Variants in RXFP1 observed in about 807,000 individuals in gnomAD.
RXFP1 encodes relaxin family peptide receptor 1.
Under a neutral mutation model 89.8 loss-of-function variants are expected in RXFP1, and 73 were observed. That is an observed-to-expected ratio of 0.81 (90% CI 0.67 to 0.99). The LOEUF (loss-of-function observed/expected upper bound fraction) is 0.99. Among genes scored for constraint, RXFP1 ranks in the 50% least tolerant of loss-of-function variants. The probability of loss-of-function intolerance (pLI) is 0.00; values close to 1 mark genes in which losing one functional copy is unlikely to be tolerated. For synonymous variants in RXFP1, 277 were observed against 305.5 expected, an observed-to-expected ratio of 0.91 and a Z score of 0.97; for missense variants, 793 against 895.5, an observed-to-expected ratio of 0.89 and a Z score of 1.46.
intron 4 of RXFP1, among the ~76,000 whole-genome samples, chr4:158,602,274 C>G (rs148858323): frequency 1.0e-3 from 153 of 152,180 alleles, no homozygotes; most frequent in African/African-American, 3.4e-3. Context: ...AATAAAAACC[C>G]AACTTTTTAA....
In RXFP1 at chr4:158,580,888, C is replaced by T. The variant is rs938417220; in HGVS notation, c.187+8053C>T. Among the ~76,000 whole-genome samples the T allele has an allele frequency of 2.6e-5, 4 of 152,274 alleles. No homozygotes were observed. The South Asian group carries it at 8.3e-4, about 32-fold the overall frequency. On this transcript the variant is annotated intron_variant, in intron 2 of 17. Coordinates refer to ENST00000307765, the MANE Select transcript of RXFP1 (RefSeq NM_021634.4). ...TCTCAGCTCACTGCAACCTCCGCCTCCCAGGTTCAAGTGATTCTCCTGCCT... is the reference window on the plus strand; with the variant it reads ...TCTCAGCTCACTGCAACCTCCGCCTTCCAGGTTCAAGTGATTCTCCTGCCT...
At position 158,644,835 on chromosome 4, in the gene RXFP1, A is replaced by G. The variant is rs1028777166; in HGVS notation, c.1116-74A>G. ...CATTTTCTTTCTACCGATAAAATGT[A>G]GGAAATAAATATGAATGTATGGTGA... On this transcript the variant is annotated intron_variant, in intron 14 of 17. Transcript: ENST00000307765. 11 of 982,490 alleles carry G rather than the reference A, an allele frequency of 1.1e-5. 1 individual carries two copies. The highest frequency in any genetic ancestry group is 4.6e-5 in the Admixed American group (2 of 43,784). 60.9% of individuals were successfully genotyped at this position (982,490 alleles called of 1,614,324 possible).
At chr4:158,646,294 A>C in intron 15 of RXFP1, 1 of 458,530 alleles carries the variant, frequency 2.2e-6, no homozygotes, top group Non-Finnish European at 4.3e-6. Context: ...CATATCTCTT[A>C]AATTATAGGC....
intron 10 of RXFP1, among the ~76,000 whole-genome samples, chr4:158,627,495 G>T (rs1767090611): frequency 7.2e-6 from 1 of 138,282 alleles, no homozygotes; most frequent in African/African-American, 2.7e-5. Context: ...ATTGTTTCAT[G>T]AGCCTTAGGG....
At chr4:158,580,679 C>T (rs1757171017) in intron 2 of RXFP1, among the ~76,000 whole-genome samples, 1 of 152,216 alleles carries the variant, frequency 6.6e-6, no homozygotes, top group Non-Finnish European at 1.5e-5. Context: ...CCTTCCCTCC[C>T]CACTGCGGCG....
intron 6 of RXFP1, 49 bp downstream of exon 6, chr4:158,608,092 C>A (rs1390223166): frequency 1.6e-6 from 2 of 1,243,974 alleles, no homozygotes; most frequent in South Asian, 1.3e-5. Flanking sequence ...AGTCTGACAG[C>A]CTAGACTATT....
intron 9 of RXFP1, among the ~76,000 whole-genome samples, chr4:158,618,123 G>GTACTC (rs1764946791): frequency 6.6e-6 from 1 of 152,012 alleles, no homozygotes; most frequent in Non-Finnish European, 1.5e-5. Context: ...ATACTGTACT[G>GTACTC]TACATTGAAA....
chr4:158,604,325 C>T (rs1003489109), intron 4 of RXFP1, among the ~76,000 whole-genome samples: 1 of 150,780 alleles, frequency 6.6e-6, no homozygotes, highest in Admixed American at 6.6e-5. Context: ...CCTCCTTTCA[C>T]TGTTAAAGAG....
At chr4:158,629,698 C>T (rs1048058119) in intron 11 of RXFP1, among the ~76,000 whole-genome samples, 10 of 152,054 alleles carry the variant, frequency 6.6e-5, no homozygotes, top group African/African-American at 2.4e-4. Context: ...ACAATCATAG[C>T]TCACCGTAAC....
At position 158,548,706 on chromosome 4, in the gene RXFP1, T is replaced by A. The variant is rs551648521; in HGVS notation, c.50-23992T>A. 2.8e-4 allele frequency among the ~76,000 whole-genome samples: 42 copies of A among 152,296 alleles called. No individual in the cohort carries two copies. The East Asian group carries it at 7.1e-3, about 26-fold the overall frequency. Reference sequence around the variant, plus strand: ...AAAGGATTTTATTTATCCTTCACTTTTGAAGCTTAGTTTAGCTGGATATGA... The same window carrying A: ...AAAGGATTTTATTTATCCTTCACTTATGAAGCTTAGTTTAGCTGGATATGA... On this transcript the variant is annotated intron_variant, in intron 1 of 17. Transcript: ENST00000307765.
intron 1 of RXFP1, among the ~76,000 whole-genome samples, chr4:158,538,357 A>G (rs1028202296): frequency 2.0e-5 from 3 of 152,220 alleles, no homozygotes; most frequent in African/African-American, 7.2e-5. Context: ...ACTCTGGGGA[A>G]AGAAGCAGAG....
At chr4:158,593,584 A>G (rs1759957930) in intron 3 of RXFP1, 85 bp downstream of exon 3, 4 of 665,754 alleles carry the variant, frequency 6.0e-6, no homozygotes, top group African/African-American at 5.5e-5. Context: ...TTAAAAAAAG[A>G]TTGCATCTCA....
chr4:158,638,324 T>C (rs1374591855), intron 13 of RXFP1, among the ~76,000 whole-genome samples: 2 of 152,240 alleles, frequency 1.3e-5, no homozygotes, highest in Non-Finnish European at 2.9e-5. Context: ...TAGGAGCTTA[T>C]GTTGATTTGT....
chr4:158,581,990 G>A (rs576451026), intron 2 of RXFP1, among the ~76,000 whole-genome samples: 142 of 152,240 alleles, frequency 9.3e-4, no homozygotes, highest in African/African-American at 3.3e-3. Context: ...GAGGTACCAG[G>A]CTCTTTTTAA....
intron 6 of RXFP1, among the ~76,000 whole-genome samples, chr4:158,609,298 A>G (rs539331051): frequency 6.6e-6 from 1 of 152,326 alleles, no homozygotes; most frequent in South Asian, 2.1e-4. Flanking sequence ...GTGTTGCACA[A>G]GAGTTCCGAT....
intron 9 of RXFP1, among the ~76,000 whole-genome samples, chr4:158,620,082 ATAAGT>A (rs1283788209): frequency 2.6e-5 from 4 of 152,246 alleles, no homozygotes; most frequent in African/African-American, 4.8e-5. Flanking sequence ...CTTATGATTA[ATAAGT>A]TAAGTAATAT....
intron 1 of RXFP1, among the ~76,000 whole-genome samples, chr4:158,544,851 T>C (rs1747828368): frequency 6.6e-6 from 1 of 152,238 alleles, no homozygotes; most frequent in Admixed American, 6.5e-5. Context: ...CTATCATTGA[T>C]GGACATTTGG....
chr4:158,569,001 G>A (rs941134558), intron 1 of RXFP1, among the ~76,000 whole-genome samples: 2 of 152,164 alleles, frequency 1.3e-5, no homozygotes, highest in African/African-American at 4.8e-5. Context: ...AGGATAATGG[G>A]AGCATAACTG....
intron 8 of RXFP1, among the ~76,000 whole-genome samples, chr4:158,614,347 G>T (rs1159981470): frequency 6.6e-6 from 1 of 152,170 alleles, no homozygotes; most frequent in Non-Finnish European, 1.5e-5. Flanking sequence ...TGAAAGTCTT[G>T]TATGGAATAT....
Sources: gnomAD v4.1 joint callset for allele counts (sites outside exome capture counted in the v4.1 genomes callset) on GRCh38, gnomAD v4.1.1 for gene constraint, MANE v1.5 for transcripts, NCBI Gene and HGNC (gene_info 2026-07-23, HGNC 2026-07-21) for gene names.